SLC25A26: variants seen among roughly 807,000 people sequenced by gnomAD.
SLC25A26 encodes the protein solute carrier family 25 member 26, also known as mitochondrial S-adenosylmethionine carrier protein.
In SLC25A26, 36 loss-of-function variants were observed where a neutral mutation model predicts 37.8. The ratio of observed to expected loss-of-function variants is 0.95; its 90% confidence interval spans 0.73 to 1.26. SLC25A26 has a LOEUF of 1.26. Ranked by LOEUF, SLC25A26 falls within the 50% of genes most tolerant of loss-of-function variation. SLC25A26 has a pLI of 0.00. For missense variants in SLC25A26, 390 were observed against 331.1 expected (o/e 1.18, Z -1.38); for synonymous variants, 129 against 122.5 (o/e 1.05, Z -0.35).
intron 2 of SLC25A26, among the ~76,000 whole-genome samples, chr3:66,240,907 G>A (rs543709352): frequency 3.3e-5 from 5 of 151,528 alleles, no homozygotes; most frequent in Admixed American, 6.6e-5. Flanking sequence ...CACCACACCC[G>A]GCTAATTTTT....
At chr3:66,279,414 TA>T (rs2074263507) in intron 5 of SLC25A26, among the ~76,000 whole-genome samples, 1 of 152,192 alleles carries the variant, frequency 6.6e-6, no homozygotes, top group Admixed American at 6.5e-5. Context: ...CTGTTAAACT[TA>T]CACCTGGTGC....
At chr3:66,214,757 A>T (rs1395850626) in intron 1 of SLC25A26, among the ~76,000 whole-genome samples, 1 of 152,140 alleles carries the variant, frequency 6.6e-6, no homozygotes, top group Non-Finnish European at 1.5e-5. Context: ...TTTAATTTTA[A>T]TTTTTAATAA....
At chr3:66,256,875 AG>A (rs1371721640) in intron 3 of SLC25A26, among the ~76,000 whole-genome samples, 3 of 152,258 alleles carry the variant, frequency 2.0e-5, no homozygotes, top group African/African-American at 7.2e-5. Context: ...TCTGAGTGAC[AG>A]AACGATACCC....
chr3:66,366,776 T>A (rs1037132970), intron 7 of SLC25A26, among the ~76,000 whole-genome samples: 22 of 152,222 alleles, frequency 1.4e-4, no homozygotes, highest in African/African-American at 5.3e-4. Context: ...AAATTTTAAT[T>A]TGTCTTATAT....
chr3:66,332,834 C>G (rs912656298), intron 5 of SLC25A26, among the ~76,000 whole-genome samples: 1 of 152,182 alleles, frequency 6.6e-6, no homozygotes, highest in Non-Finnish European at 1.5e-5. Flanking sequence ...TCTCTCCTGT[C>G]CTTCCCCAGA....
At chr3:66,182,919 A>C (rs1576620543) in intron 1 of SLC25A26, among the ~76,000 whole-genome samples, 1 of 152,266 alleles carries the variant, frequency 6.6e-6, no homozygotes, top group Admixed American at 6.5e-5. Context: ...ATGGCTTCCT[A>C]AGAGCCAGGG....
chr3:66,145,656 A>T (rs1352507011), intron 1 of SLC25A26, among the ~76,000 whole-genome samples: 1 of 152,138 alleles, frequency 6.6e-6, no homozygotes, highest in African/African-American at 2.4e-5. Context: ...CCTAGGAAAA[A>T]TTTTGTATTC....
intron 5 of SLC25A26, among the ~76,000 whole-genome samples, chr3:66,306,737 A>G (rs1576840502): frequency 6.6e-6 from 1 of 152,066 alleles, no homozygotes; most frequent in Admixed American, 6.5e-5. Context: ...CCTCCCACTT[A>G]TGAGCAAGAA....
chr3:66,144,729 A>T (rs2106675283), intron 1 of SLC25A26, among the ~76,000 whole-genome samples: 1 of 152,172 alleles, frequency 6.6e-6, no homozygotes, highest in South Asian at 2.1e-4. Flanking sequence ...ACGTTCATGG[A>T]CCCCACCAGA....
At chr3:66,199,486 T>C (rs1361678400) in intron 1 of SLC25A26, among the ~76,000 whole-genome samples, 2 of 151,968 alleles carry the variant, frequency 1.3e-5, no homozygotes, top group Non-Finnish European at 2.9e-5. Context: ...CTTGTCCCCA[T>C]TGACCATGAC....
chr3:66,319,770 T>G, intron 5 of SLC25A26, among the ~76,000 whole-genome samples: 1 of 134,930 alleles, frequency 7.4e-6, no homozygotes, highest in Middle Eastern at 3.8e-3. Context: ...TTTTTTTTTT[T>G]GAGATGAAGT....
chr3:66,376,218 C>A (rs375203798), intron 9 of SLC25A26, among the ~76,000 whole-genome samples: 8 of 151,856 alleles, frequency 5.3e-5, no homozygotes, highest in South Asian at 2.1e-4. Flanking sequence ...GGTGAAGATA[C>A]GGTGAACACT....
intron 1 of SLC25A26, among the ~76,000 whole-genome samples, chr3:66,139,651 G>A (rs780787841): frequency 6.6e-6 from 1 of 152,172 alleles, no homozygotes; most frequent in Non-Finnish European, 1.5e-5. Flanking sequence ...ACAGAACTTA[G>A]ATAAGCAGTA....
At chr3:66,166,443 A>G (rs778506104) in intron 1 of SLC25A26, among the ~76,000 whole-genome samples, 1 of 152,204 alleles carries the variant, frequency 6.6e-6, no homozygotes, top group Admixed American at 6.5e-5. Context: ...TAAATAAGAC[A>G]GACTCTCAGA....
intron 7 of SLC25A26, among the ~76,000 whole-genome samples, chr3:66,363,556 A>G (rs965365760): frequency 6.6e-6 from 1 of 152,226 alleles, no homozygotes; most frequent in Non-Finnish European, 1.5e-5. Flanking sequence ...GAGAACTCAA[A>G]TGCTTTAAAG....
intron 6 of SLC25A26, among the ~76,000 whole-genome samples, chr3:66,359,164 A>T (rs2076641561): frequency 6.6e-6 from 1 of 152,222 alleles, no homozygotes; most frequent in Admixed American, 6.5e-5. Flanking sequence ...GTCTTCAGCC[A>T]TCTGAGTCTA....
intron 1 of SLC25A26, among the ~76,000 whole-genome samples, chr3:66,148,633 T>C (rs1001643203): frequency 7.2e-5 from 11 of 152,382 alleles, no homozygotes; most frequent in Non-Finnish European, 1.0e-4. Context: ...ATTGTGAAGA[T>C]ACATTCTCAG....
At chr3:66,233,691 A>C (rs1156657609) in intron 1 of SLC25A26, among the ~76,000 whole-genome samples, 1 of 152,072 alleles carries the variant, frequency 6.6e-6, no homozygotes, top group Admixed American at 6.5e-5. Flanking sequence ...GTTCTCTGTT[A>C]GCTGTTTTTC....
At chr3:66,304,121 T>C (rs1298289477) in intron 5 of SLC25A26, among the ~76,000 whole-genome samples, 1 of 152,218 alleles carries the variant, frequency 6.6e-6, no homozygotes, top group Admixed American at 6.5e-5. Flanking sequence ...CCACGATAAT[T>C]TCCCTCTTGA....
Sources: gnomAD v4.1 joint callset for allele counts (sites outside exome capture counted in the v4.1 genomes callset) on GRCh38, gnomAD v4.1.1 for gene constraint, MANE v1.5 for transcripts, NCBI Gene and HGNC (gene_info 2026-07-23, HGNC 2026-07-21) for gene names.